Variants in NEO1 observed in about 807,000 individuals in gnomAD.
NEO1 encodes the protein neogenin.
NEO1 carries 63 observed loss-of-function variants against 159.7 expected under a neutral mutation model. The ratio of observed to expected loss-of-function variants is 0.39; its 90% confidence interval spans 0.32 to 0.49. NEO1 has a LOEUF of 0.49. Among genes scored for constraint, NEO1 ranks in the 20% least tolerant of loss-of-function variants. NEO1 has a pLI of 0.85. For missense variants in NEO1, 1,615 were observed against 1,831.0 expected, an observed-to-expected ratio of 0.88 and a Z score of 2.15; for synonymous variants, 633 against 662.0, an observed-to-expected ratio of 0.96 and a Z score of 0.67.
At chr15:73,103,248 C>A (rs2070497535) in intron 1 of NEO1, among the ~76,000 whole-genome samples, 1 of 152,150 alleles carries the variant, frequency 6.6e-6, no homozygotes, top group African/African-American at 2.4e-5. Context: ...TAAATGTGAT[C>A]TTTACTTACC....
intron 26 of NEO1, 134 bp from the exon 27 acceptor site, chr15:73,298,214 A>G: frequency 1.9e-6 from 2 of 1,047,952 alleles, no homozygotes; most frequent in African/African-American, 1.6e-5. Flanking sequence ...GTGCTAATCC[A>G]TGTTCTCTTG....
At chr15:73,301,743 C>T (rs1174710622) in intron 28 of NEO1, among the ~76,000 whole-genome samples, 1 of 152,044 alleles carries the variant, frequency 6.6e-6, no homozygotes, top group Non-Finnish European at 1.5e-5. Context: ...TCTCGGCTCA[C>T]TACAACGTCT....
Position 73,249,584 on chromosome 15 carries a change from A to G in NEO1, c.1757A>G (p.Asp586Gly), listed in dbSNP as rs1426821725. The change falls in exon 11 of 29, where the codon GAT becomes GGT. Residue 586 changes from aspartate to glycine, a missense_variant and splice_region_variant. Asp to Gly is a moderately conservative substitution (Grantham distance 94). Transcript: ENST00000261908. ...YMEKGTDKEQ[D>G]VDVSSHSYTI... The stretch of plus-strand genomic sequence containing the variant: ...ATAAAGTGTTTTATTTTATTCAAGG[A>G]TGTTGATGTTTCAAGTCACTCTTAC... 6.3e-7 allele frequency: 1 copy of G among 1,598,116 alleles called. No individual in the cohort carries two copies. The highest frequency in any genetic ancestry group is 1.8e-5 in the Admixed American group (1 of 55,036).
Position 73,283,123 on chromosome 15 carries a change from C to G in NEO1, c.3410+12C>G, listed in dbSNP as rs764839314. The G allele has an allele frequency of 8.7e-6, 14 of 1,613,800 alleles. 1 individual carries two copies. Among genetic ancestry groups the G allele is most frequent in the Middle Eastern group, 1.7e-4 (1 of 6,050 alleles). ...TCTCACCAGAAAAAGTAAGAAGCCCCAGATGCACCCCTTAGATTTTTGGCA... is the reference window on the plus strand; with the variant it reads ...TCTCACCAGAAAAAGTAAGAAGCCCGAGATGCACCCCTTAGATTTTTGGCA... On this transcript the variant is annotated intron_variant, in intron 23 of 28. Coordinates refer to ENST00000261908, the MANE Select transcript of NEO1 (RefSeq NM_002499.4).
At chr15:73,103,874 A>G (rs1181235636) in intron 1 of NEO1, among the ~76,000 whole-genome samples, 2 of 152,166 alleles carry the variant, frequency 1.3e-5, no homozygotes, top group Non-Finnish European at 2.9e-5. Context: ...TATTGTTTTG[A>G]GATGGGGTCT....
At chr15:73,142,143 T>C (rs574907615) in intron 5 of NEO1, among the ~76,000 whole-genome samples, 4 of 152,300 alleles carry the variant, frequency 2.6e-5, no homozygotes, top group African/African-American at 7.2e-5. Flanking sequence ...ATAATAAAAT[T>C]GGAAACTCAT....
chr15:73,088,143 A>C (rs1006993822), intron 1 of NEO1, among the ~76,000 whole-genome samples: 2 of 152,030 alleles, frequency 1.3e-5, no homozygotes, highest in Non-Finnish European at 2.9e-5. Context: ...AATATATAGT[A>C]ATATATATCT....
At chr15:73,287,154 C>T (rs1414887713) in intron 23 of NEO1, among the ~76,000 whole-genome samples, 1 of 152,200 alleles carries the variant, frequency 6.6e-6, no homozygotes, top group East Asian at 1.9e-4. Flanking sequence ...TATGTCCCCA[C>T]CACTCAGGAT....
At chr15:73,260,686 C>T (rs1487788018) in intron 15 of NEO1, among the ~76,000 whole-genome samples, 1 of 152,074 alleles carries the variant, frequency 6.6e-6, no homozygotes, top group Non-Finnish European at 1.5e-5. Context: ...TTCTTCATTA[C>T]ATTCAGGTTT....
At chr15:73,140,254 T>A (rs1051725875) in intron 5 of NEO1, among the ~76,000 whole-genome samples, 1 of 152,054 alleles carries the variant, frequency 6.6e-6, no homozygotes, top group Non-Finnish European at 1.5e-5. Context: ...CTTGGCAGAA[T>A]CTATTAAAAA....
chr15:73,102,998 C>T (rs1343427955), intron 1 of NEO1, among the ~76,000 whole-genome samples: 1 of 152,152 alleles, frequency 6.6e-6, no homozygotes, highest in Admixed American at 6.5e-5. Flanking sequence ...CACCCTTTCC[C>T]CTCCTTTACT....
intron 7 of NEO1, among the ~76,000 whole-genome samples, chr15:73,180,573 A>G (rs979214133): frequency 2.0e-4 from 30 of 152,198 alleles, no homozygotes; most frequent in African/African-American, 7.0e-4. Flanking sequence ...ATTTATTTAC[A>G]TGGAACTAAG....
At chr15:73,134,355 A>G (rs2031499436) in intron 4 of NEO1, among the ~76,000 whole-genome samples, 1 of 152,306 alleles carries the variant, frequency 6.6e-6, no homozygotes. Flanking sequence ...GAAGTCACCA[A>G]ATCTGATTCT....
chr15:73,280,336 A>G (rs1245913908), intron 22 of NEO1, among the ~76,000 whole-genome samples: 2 of 152,296 alleles, frequency 1.3e-5, no homozygotes, highest in Non-Finnish European at 2.9e-5. Flanking sequence ...GCATAAAGAA[A>G]TGGCATATAT....
intron 7 of NEO1, among the ~76,000 whole-genome samples, chr15:73,205,641 C>T (rs561208030): frequency 5.3e-5 from 8 of 152,166 alleles, no homozygotes; most frequent in Non-Finnish European, 8.8e-5. Flanking sequence ...TTTAAGTGTT[C>T]CTACCAGTTT....
rs957382220 is a variant in NEO1 at position 73,298,500 on chromosome 15, C to G, written c.4054C>G (p.His1352Asp). The change falls in exon 27 of 29, where the codon CAT becomes GAT. Residue 1352 changes from histidine (H) to aspartate (D), a missense_variant. By Grantham distance (81) the His-to-Asp change is moderately conservative (BLOSUM62 -1). Coordinates refer to ENST00000261908, the MANE Select transcript of NEO1 (RefSeq NM_002499.4). ...TTCAGGCCAGAGTCTTCCCACTGCC[C>G]ATGTTCGCCCTTCCCACCCATTGAA... ...EDSGQSLPTA[H>D]VRPSHPLKSF... is the part of the protein sequence containing the mutation. 1.2e-6 allele frequency: 2 copies of G among 1,614,060 alleles called. No homozygotes were observed. The highest frequency in any genetic ancestry group is 3.3e-5 in the Admixed American group (2 of 59,994).
chr15:73,060,126 C>T (rs1424562458), intron 1 of NEO1, among the ~76,000 whole-genome samples: 1 of 151,930 alleles, frequency 6.6e-6, no homozygotes, highest in Non-Finnish European at 1.5e-5. Context: ...GATAGAATAA[C>T]AAATTATAAG....
chr15:73,122,818 G>A lies in NEO1; in HGVS notation c.724+18G>A, dbSNP rs568148995. On this transcript the variant is annotated intron_variant, in intron 3 of 28. Coordinates refer to ENST00000261908, the MANE Select transcript of NEO1 (RefSeq NM_002499.4). Reference sequence around the variant, plus strand: ...TCTTCCAGGTATTAACTCATTATCAGGACTGATGGTTTTATGTTTATGAAT... The same window carrying A: ...TCTTCCAGGTATTAACTCATTATCAAGACTGATGGTTTTATGTTTATGAAT... 6.2e-7 allele frequency: 1 copy of A among 1,611,732 alleles called. No homozygotes were observed. Among genetic ancestry groups the A allele is most frequent in the South Asian group, 1.1e-5 (1 of 90,958 alleles).
intron 7 of NEO1, among the ~76,000 whole-genome samples, chr15:73,190,214 C>A (rs1338875875): frequency 6.6e-6 from 1 of 152,076 alleles, no homozygotes; most frequent in East Asian, 1.9e-4. Flanking sequence ...TTTTTATTGG[C>A]CTTTCTTCCT....
Sources: gnomAD v4.1 joint callset for allele counts (sites outside exome capture counted in the v4.1 genomes callset) on GRCh38, gnomAD v4.1.1 for gene constraint, MANE v1.5 for transcripts, NCBI Gene and HGNC (gene_info 2026-07-23, HGNC 2026-07-21) for gene names.